Variants in BMAL1 observed in about 807,000 individuals in gnomAD.
The protein encoded by BMAL1 is basic helix-loop-helix ARNT like 1.
At chr11:13,284,226 ATG>A in the BMAL1 span, among the ~76,000 whole-genome samples, 47,437 of 67,952 alleles carry the variant, frequency 0.7, 17,453 homozygotes, top group Non-Finnish European at 0.79. Flanking sequence ...ATATATATAT[ATG>A]TGTGTGTATA....
At chr11:13,359,808 C>G in the BMAL1 span, among the ~76,000 whole-genome samples, 31 of 152,290 alleles carry the variant, frequency 2.0e-4, no homozygotes, top group African/African-American at 7.0e-4. Flanking sequence ...GCTGCATTGA[C>G]TGAAGCAATG....
the BMAL1 span, among the ~76,000 whole-genome samples, chr11:13,342,992 G>A: frequency 4.0e-4 from 61 of 152,266 alleles, no homozygotes; most frequent in Non-Finnish European, 5.9e-5. Context: ...ACTTACAGAG[G>A]GCTTGTTATG....
chr11:13,318,787 G>C, the BMAL1 span, among the ~76,000 whole-genome samples: 1 of 151,834 alleles, frequency 6.6e-6, no homozygotes, highest in African/African-American at 2.4e-5. Flanking sequence ...GGGGAGGGGG[G>C]CCCTTGCAAA....
chr11:13,358,560 G>C, the BMAL1 span: 2 of 1,610,538 alleles, frequency 1.2e-6, no homozygotes, highest in Non-Finnish European at 1.7e-6. Context: ...CTGTGCTAAG[G>C]ATGGCTGTTC....
At chr11:13,307,301 T>C in the BMAL1 span, among the ~76,000 whole-genome samples, 15 of 152,322 alleles carry the variant, frequency 9.8e-5, no homozygotes, top group African/African-American at 3.1e-4. Flanking sequence ...GGACACTGTA[T>C]GGGGTTGTGA....
the BMAL1 span, chr11:13,356,376 G>T: frequency 5.9e-4 from 259 of 441,064 alleles, 1 homozygote; most frequent in African/African-American, 7.6e-3. Context: ...CCAGAATGAT[G>T]GGGGGGGAGA....
the BMAL1 span, chr11:13,355,144 A>G: frequency 2.3e-6 from 3 of 1,290,458 alleles, no homozygotes; most frequent in African/African-American, 4.4e-5. Flanking sequence ...CCAAATGTCC[A>G]TTTAAGAGGT....
At chr11:13,374,182 T>C in the BMAL1 span, 6 of 1,613,792 alleles carry the variant, frequency 3.7e-6, no homozygotes, top group African/African-American at 4.0e-5. Context: ...TAGGACATCT[T>C]GCAGAATGTC....
the BMAL1 span, among the ~76,000 whole-genome samples, chr11:13,297,413 A>C: frequency 5.3e-5 from 8 of 152,148 alleles, no homozygotes; most frequent in Non-Finnish European, 2.9e-5. Context: ...ATAATACTTG[A>C]TTTATGTTTT....
chr11:13,319,172 A>G, the BMAL1 span, among the ~76,000 whole-genome samples: 2 of 152,230 alleles, frequency 1.3e-5, no homozygotes. Flanking sequence ...GTCCATATGT[A>G]CAGATAAATG....
chr11:13,280,339 A>G, the BMAL1 span, among the ~76,000 whole-genome samples: 2 of 152,392 alleles, frequency 1.3e-5, no homozygotes, highest in East Asian at 1.9e-4. Flanking sequence ...CTTCACACCA[A>G]CAATCTCTGT....
At chr11:13,363,018 G>T in the BMAL1 span, among the ~76,000 whole-genome samples, 1 of 151,564 alleles carries the variant, frequency 6.6e-6, no homozygotes, top group East Asian at 1.9e-4. Flanking sequence ...AAACCCTTTT[G>T]TGTACTTACT....
chr11:13,348,159 G>T, the BMAL1 span, among the ~76,000 whole-genome samples: 1 of 152,226 alleles, frequency 6.6e-6, no homozygotes, highest in African/African-American at 2.4e-5. Context: ...GGAAAGGAAA[G>T]CAGGAGTTTA....
chr11:13,281,056 G>T, the BMAL1 span, among the ~76,000 whole-genome samples: 5 of 152,166 alleles, frequency 3.3e-5, no homozygotes, highest in Non-Finnish European at 7.3e-5. Flanking sequence ...TCTGTGTGAG[G>T]ATTAAGGGAG....
chr11:13,288,947 C>T, the BMAL1 span, among the ~76,000 whole-genome samples: 4 of 152,120 alleles, frequency 2.6e-5, no homozygotes, highest in African/African-American at 4.8e-5. Context: ...CTATGGAAGT[C>T]GAATGTTTTA....
At chr11:13,316,675 C>G in the BMAL1 span, among the ~76,000 whole-genome samples, 13 of 152,294 alleles carry the variant, frequency 8.5e-5, no homozygotes, top group African/African-American at 2.9e-4. Context: ...CCAGGGCTCT[C>G]TAGGGCCAGG....
chr11:13,386,233 CCTTT>C, the BMAL1 span, among the ~76,000 whole-genome samples: 8 of 152,252 alleles, frequency 5.3e-5, no homozygotes, highest in Non-Finnish European at 1.0e-4. Flanking sequence ...TTCCTATTTG[CCTTT>C]CTTTTTGTAA....
the BMAL1 span, among the ~76,000 whole-genome samples, chr11:13,296,926 G>A: frequency 6.6e-6 from 1 of 152,134 alleles, no homozygotes; most frequent in Non-Finnish European, 1.5e-5. Context: ...CCGTCCTCCT[G>A]CCTGTGACAG....
the BMAL1 span, chr11:13,376,812 C>T: frequency 7.8e-7 from 1 of 1,281,502 alleles, no homozygotes; most frequent in Non-Finnish European, 1.1e-6. Context: ...TATTCAGGGT[C>T]CCCTCCATTC....
Sources: allele counts gnomAD v4.1 joint callset (sites outside exome capture counted in the v4.1 genomes callset), GRCh38; gene constraint gnomAD v4.1.1; transcripts MANE v1.5; gene names NCBI Gene and HGNC (gene_info 2026-07-23, HGNC 2026-07-21).